The following EPS8L1 variants were observed in gnomAD, a reference collection of about 807,000 sequenced individuals.
The protein encoded by EPS8L1 is epidermal growth factor receptor kinase substrate 8-like protein 1.
A neutral mutation model predicts 91.7 loss-of-function variants in EPS8L1; 101 were observed. The ratio of observed to expected loss-of-function variants is 1.10; its 90% confidence interval spans 0.94 to 1.30. The LOEUF (loss-of-function observed/expected upper bound fraction) is 1.30. EPS8L1 is among the 50% of genes most tolerant of loss of function. EPS8L1 has a pLI of 0.00. For synonymous variants in EPS8L1, 506 were observed against 445.3 expected, an observed-to-expected ratio of 1.14 and a Z score of -1.72; for missense variants, 1,114 against 1,017.0, an observed-to-expected ratio of 1.10 and a Z score of -1.30.
rs755878715 is a variant in EPS8L1, at chr19:55,079,038, T to A, written c.98T>A (p.Val33Glu). The A allele has an allele frequency of 6.2e-7, 1 of 1,614,044 alleles. No individual in the cohort carries two copies. Among genetic ancestry groups the A allele is most frequent in the South Asian group, 1.1e-5 (1 of 91,086 alleles). The change falls in exon 4 of 20, where the codon GTA becomes GAA. Residue 33 changes from valine (V) to glutamate (E), a missense_variant. Physicochemically the swap from Val to Glu is moderately radical, Grantham distance 121. Transcript: ENST00000201647. ...KRYSTVVMAD[V>E]SQYPVNHLVT... ...TACTCCACAGTTGTTATGGCTGATG[T>A]ATCCCAGTACCCAGTCAATGTGAGT...
chr19:55,082,225 C>A, intron 10 of EPS8L1, 45 bp downstream of exon 10: 1 of 1,597,680 alleles, frequency 6.3e-7, no homozygotes, highest in Non-Finnish European at 8.5e-7. Flanking sequence ...GCACGACGAA[C>A]CTGTCCCGTC....
chr19:55,081,903 AG>A lies in EPS8L1; in HGVS notation c.901+8del, dbSNP rs1331208766. The A allele has an allele frequency of 1.9e-6, 3 of 1,606,342 alleles. No homozygotes were observed. Among genetic ancestry groups the A allele is most frequent in the Non-Finnish European group, 2.6e-6 (3 of 1,175,390 alleles). On this transcript the variant is annotated splice_donor_5th_base_variant and intron_variant, in intron 9 of 19. Transcript: ENST00000201647. This position sits in a 1 kb window ranked among gnomAD's most constrained non-coding sequence, Gnocchi z 4.9. ...AGCCGGCGCCGGGCGGCTGGGGGTA[AG>A]GGGCACCCTGGCGTGGGATCTGAAC...
rs2076166868 is a variant in EPS8L1, at chr19:55,078,045, C to T, written c.18-43C>T. 6 of 1,605,442 alleles carry T rather than the reference C, an allele frequency of 3.7e-6. No homozygotes were observed. The African/African-American group carries it at 6.7e-5, about 18-fold the overall frequency. On this transcript the variant is annotated intron_variant, in intron 2 of 19. Coordinates refer to ENST00000201647, the MANE Select transcript of EPS8L1 (RefSeq NM_133180.3). ...CTGCTTGGCATTTCCACAGGATCTG[C>T]CCCCAGTCCCACAGTCTCTCTCATT...
Position 55,079,041 on chromosome 19 carries a change from C to G in EPS8L1, c.101C>G (p.Ser34Cys), listed in dbSNP as rs1375630695. 1 of 1,613,882 alleles carries G rather than the reference C, an allele frequency of 6.2e-7. No individual in the cohort carries two copies. The highest frequency in any genetic ancestry group is 1.3e-5 in the African/African-American group (1 of 74,888). The change falls in exon 4 of 20, where the codon TCC becomes TGC. Residue 34 changes from serine (S) to cysteine (C), a missense_variant. Coordinates refer to ENST00000201647, the MANE Select transcript of EPS8L1 (RefSeq NM_133180.3). Reference protein sequence around the residue: ...RYSTVVMADVSQYPVNHLVTF... With the variant: ...RYSTVVMADVCQYPVNHLVTF... ...TCCACAGTTGTTATGGCTGATGTAT[C>G]CCAGTACCCAGTCAATGTGAGTCTG...
At chr19:55,086,326 AAAGGGGAGAGGCTGGG>A in intron 16 of EPS8L1, 50 bp from the exon 17 acceptor site, 1 of 1,606,956 alleles carries the variant, frequency 6.2e-7, no homozygotes, top group Non-Finnish European at 8.5e-7. Flanking sequence ...GCATCTCCAG[AAAGGGGAGAGGCTGGG>A]ACTCTGAGTC....
At chr19:55,085,798 G>C in intron 14 of EPS8L1, 43 bp from the exon 15 acceptor site, 1 of 1,591,184 alleles carries the variant, frequency 6.3e-7, no homozygotes, top group African/African-American at 1.3e-5. Flanking sequence ...AGAGCAATGG[G>C]GCTGGCTGCC....
rs1334539937 is a variant in EPS8L1, at chr19:55,083,688, T to TGC, written c.1385+46_1385+47dup. The stretch of plus-strand genomic sequence containing the variant: ...GCAGGGCAAGGGGGTCAAGGAGGGG[T>TGC]GCGTCCCGGGGGCTCCCGATGCTGA... On this transcript the variant is annotated intron_variant, in intron 14 of 19. Coordinates refer to ENST00000201647, the MANE Select transcript of EPS8L1 (RefSeq NM_133180.3). This position sits in a 1 kb window ranked among gnomAD's most constrained non-coding sequence, Gnocchi z 4.7. 1.3e-6 allele frequency: 2 copies of TGC among 1,576,118 alleles called. No homozygotes were observed. Among genetic ancestry groups the TGC allele is most frequent in the Non-Finnish European group, 1.7e-6 (2 of 1,160,978 alleles).
chr19:55,083,939 T>TG lies in EPS8L1; in HGVS notation c.1385+297dup. 1.7e-6 allele frequency: 1 copy of TG among 600,508 alleles called. No homozygotes were observed. Among genetic ancestry groups the TG allele is most frequent in the South Asian group, 2.0e-5 (1 of 50,642 alleles). The allele number at this position is 600,508 out of a possible 1,614,324, so 37.2% of individuals were successfully genotyped here. A position where few individuals can be genotyped will look rare whatever the true frequency, so the allele number is the denominator to read the frequency against. On this transcript the variant is annotated intron_variant, in intron 14 of 19. Coordinates refer to ENST00000201647, the MANE Select transcript of EPS8L1 (RefSeq NM_133180.3). This position sits in a 1 kb window ranked among gnomAD's most constrained non-coding sequence, Gnocchi z 4.7. The stretch of plus-strand genomic sequence containing the variant: ...GGTAAAGTCTGAGAGGTTGGATCCC[T>TG]GGATCCCCAAAAGGCTGGAAGAAGC...
At position 55,079,737 on chromosome 19, in the gene EPS8L1, G is replaced by C; in HGVS notation, c.165G>C (p.Val55=). ...CLGEDDGVHT[V]EDASRKLAVM... ...GTGAGGACGATGGCGTGCATACCGT[G>C]GAGGATGCCTCCAGGAAGTTGGCCG... is the stretch of plus-strand genomic sequence containing the variant. The change falls in exon 5 of 20, where the codon GTG becomes GTC. Residue 55 remains valine (V), a synonymous_variant. Transcript: ENST00000201647. 1 of 1,614,178 alleles carries C rather than the reference G, an allele frequency of 6.2e-7. No individual in the cohort carries two copies. Among genetic ancestry groups the C allele is most frequent in the Non-Finnish European group, 8.5e-7 (1 of 1,180,018 alleles).
rs1056665689 is a variant in EPS8L1, at chr19:55,081,786, A to G, written c.788A>G (p.His263Arg). ...QAEREVDILN[H>R]VFDDVESFVS... ...TCTGTCCCCTAGGACATCCTGAACC[A>G]CGTGTTCGACGACGTAGAGAGCTTT... The change falls in exon 9 of 20, where the codon CAC becomes CGC. Residue 263 changes from histidine to arginine, a missense_variant. Physicochemically the swap from His to Arg is conservative, Grantham distance 29. Transcript: ENST00000201647. The surrounding 1 kb of genome is among the most constrained non-coding windows in gnomAD (Gnocchi z 4.9). 1 of 1,610,766 alleles carries G rather than the reference A, an allele frequency of 6.2e-7. No individual in the cohort carries two copies. The highest frequency in any genetic ancestry group is 1.3e-5 in the African/African-American group (1 of 74,802).
intron 2 of EPS8L1, 21 bp from the exon 3 acceptor site, chr19:55,078,067 C>A: frequency 6.2e-7 from 1 of 1,613,602 alleles, no homozygotes; most frequent in Admixed American, 1.7e-5. Flanking sequence ...CAGTCTCTCT[C>A]ATTCCTCTTT....
rs995050281 is a variant in EPS8L1 at position 55,081,015 on chromosome 19, C to T, written c.512+161C>T. The T allele has an allele frequency of 8.9e-6, 8 of 903,482 alleles. No homozygotes were observed. The highest frequency in any genetic ancestry group is 1.8e-5 in the South Asian group (1 of 56,404). The allele number at this position is 903,482 out of a possible 1,614,324, so 56.0% of individuals were successfully genotyped here. A position where few individuals can be genotyped will look rare whatever the true frequency, so the allele number is the denominator to read the frequency against. On this transcript the variant is annotated intron_variant, in intron 7 of 19. Transcript: ENST00000201647. This position sits in a 1 kb window ranked among gnomAD's most constrained non-coding sequence, Gnocchi z 4.9. ...CTCCCAGACGAGCTGACCCCTTCTC[C>T]AGAACTCTGCTTCTTTTCTCTGTTC...
intron 2 of EPS8L1, among the ~76,000 whole-genome samples, chr19:55,077,496 C>G (rs2076152949): frequency 6.6e-6 from 1 of 151,300 alleles, no homozygotes; most frequent in African/African-American, 2.4e-5. Context: ...GGCAAGGAGG[C>G]AGTAGACAGA....
chr19:55,081,658 G>T lies in EPS8L1; in HGVS notation c.775-115G>T. ...GGGGCTTGGTTGTGGGGCGTGGCCAGGTGTTTGGGGCGTGGCCTGATCTGG... is the reference window on the plus strand; with the variant it reads ...GGGGCTTGGTTGTGGGGCGTGGCCATGTGTTTGGGGCGTGGCCTGATCTGG... On this transcript the variant is annotated intron_variant, in intron 8 of 19. Transcript: ENST00000201647. The surrounding 1 kb of genome is among the most constrained non-coding windows in gnomAD (Gnocchi z 4.9). 2.0e-6 allele frequency: 3 copies of T among 1,481,204 alleles called. No homozygotes were observed. Among genetic ancestry groups the T allele is most frequent in the Admixed American group, 2.4e-5 (1 of 41,760 alleles). 91.8% of individuals were successfully genotyped at this position (1,481,204 alleles called of 1,614,324 possible).
rs879185633 is a variant in EPS8L1, at chr19:55,079,924, T to A, written c.279+73T>A. The A allele has an allele frequency of 2.4e-5, 36 of 1,496,392 alleles. No individual in the cohort carries two copies. In the South Asian group the frequency reaches 4.4e-4, roughly 18 times the overall value. 92.7% of individuals were successfully genotyped at this position (1,496,392 alleles called of 1,614,324 possible). On this transcript the variant is annotated intron_variant, in intron 5 of 19. Coordinates refer to ENST00000201647, the MANE Select transcript of EPS8L1 (RefSeq NM_133180.3). ...AGGGGGTCTGGGTGTGAATCTTGGC[T>A]CCTGCACGTCCTTCCTCTGGGAACT...
At chr19:55,080,671 G>C in intron 6 of EPS8L1, 101 bp from the exon 7 acceptor site, 1 of 1,564,378 alleles carries the variant, frequency 6.4e-7, no homozygotes, top group Admixed American at 1.9e-5. Flanking sequence ...AACGGTAGCC[G>C]CACGTGGGCT....
intron 4 of EPS8L1, 122 bp from the exon 5 acceptor site, chr19:55,079,568 C>A: frequency 8.2e-7 from 1 of 1,216,796 alleles, no homozygotes; most frequent in Non-Finnish European, 1.1e-6. Flanking sequence ...AACAGGTGAT[C>A]AAGGAAGGCT....
intron 11 of EPS8L1, 35 bp downstream of exon 11, chr19:55,082,384 A>T: frequency 1.2e-6 from 2 of 1,612,566 alleles, no homozygotes; most frequent in Non-Finnish European, 1.7e-6. Flanking sequence ...GCCCCCCTGC[A>T]GCGGGAGGAA....
chr19:55,086,648 G>A, intron 17 of EPS8L1, 66 bp from the exon 18 acceptor site: 8 of 866,062 alleles, frequency 9.2e-6, no homozygotes, highest in South Asian at 1.7e-5. Flanking sequence ...CCCCCGCCCC[G>A]CCCTCTGGCC....
Sources: allele counts gnomAD v4.1 joint callset (sites outside exome capture counted in the v4.1 genomes callset), GRCh38; gene constraint gnomAD v4.1.1; non-coding constraint Gnocchi (gnomAD v3.1); transcripts MANE v1.5; gene names NCBI Gene and HGNC (gene_info 2026-07-23, HGNC 2026-07-21).